The following DLC1 variants were observed in gnomAD, a reference collection of about 807,000 sequenced individuals.
DLC1 encodes rho GTPase-activating protein 7.
A neutral mutation model predicts 140.3 loss-of-function variants in DLC1; 54 were observed. That is an observed-to-expected ratio of 0.38 (90% CI 0.31 to 0.48). DLC1 has a LOEUF of 0.48. Among genes scored for constraint, DLC1 ranks in the 20% least tolerant of loss-of-function variants. The probability of loss-of-function intolerance (pLI) is 0.96; values close to 1 mark genes in which losing one functional copy is unlikely to be tolerated. For synonymous variants in DLC1, 986 were observed against 728.1 expected (o/e 1.35, Z -5.70); for missense variants, 2,536 against 1,907.0 (o/e 1.33, Z -6.14).
intron 5 of DLC1, among the ~76,000 whole-genome samples, chr8:13,264,043 T>G (rs1207340697): frequency 6.6e-6 from 1 of 151,484 alleles, no homozygotes. Flanking sequence ...GCAATAAGAA[T>G]AAGAAGCTTT....
intron 4 of DLC1, among the ~76,000 whole-genome samples, chr8:13,392,178 A>G (rs1836792029): frequency 6.6e-6 from 1 of 152,100 alleles, no homozygotes; most frequent in Admixed American, 6.6e-5. Flanking sequence ...TCCTATTCCC[A>G]ATATATGCAG....
chr8:13,381,041 G>T (rs1836229551), intron 4 of DLC1, among the ~76,000 whole-genome samples: 1 of 152,200 alleles, frequency 6.6e-6, no homozygotes, highest in Non-Finnish European at 1.5e-5. Context: ...TATAGACATG[G>T]AGGGCTTGAC....
intron 5 of DLC1, among the ~76,000 whole-genome samples, chr8:13,175,181 T>A (rs1164496744): frequency 6.6e-6 from 1 of 152,152 alleles, no homozygotes; most frequent in African/African-American, 2.4e-5. Flanking sequence ...GGTATGCAGT[T>A]TTATTTCTGG....
intron 5 of DLC1, among the ~76,000 whole-genome samples, chr8:13,134,472 T>C (rs894461797): frequency 1.2e-4 from 19 of 152,124 alleles, no homozygotes; most frequent in Non-Finnish European, 2.8e-4. Flanking sequence ...ATATAGAGTA[T>C]GTCTGATGGA....
At chr8:13,451,469 T>A (rs1300660937) in intron 2 of DLC1, among the ~76,000 whole-genome samples, 1 of 152,176 alleles carries the variant, frequency 6.6e-6, no homozygotes, top group African/African-American at 2.4e-5. Flanking sequence ...GTCTTATTCA[T>A]TCTATTTTTT....
rs753530293 is a variant in DLC1 at position 13,099,758 on chromosome 8, G to C, written c.2579C>G (p.Pro860Arg). ...SLRRENSSDS[P>R]KELKRRNSSS... ...AGAATTGCGTCTCTTCAGTTCCTTGGGGCTGTCGCTACTGTTTTCCCTCCT... is the reference window on the plus strand; with the variant it reads ...AGAATTGCGTCTCTTCAGTTCCTTGCGGCTGTCGCTACTGTTTTCCCTCCT... Residue 860 changes from proline to arginine, a missense_variant, in exon 9 of 18, where the codon CCC (proline) becomes CGC (arginine). By Grantham distance (103) the Pro-to-Arg change is moderately radical. Coordinates refer to ENST00000276297, the MANE Select transcript of DLC1 (RefSeq NM_182643.3). The C allele has an allele frequency of 6.2e-7, 1 of 1,614,122 alleles. No homozygotes were observed. Among genetic ancestry groups the C allele is most frequent in the Non-Finnish European group, 8.5e-7 (1 of 1,180,038 alleles).
chr8:13,361,513 G>A (rs985609044), intron 4 of DLC1, among the ~76,000 whole-genome samples: 4 of 151,818 alleles, frequency 2.6e-5, no homozygotes, highest in Non-Finnish European at 5.9e-5. Flanking sequence ...CTATCCTCCC[G>A]CTTCAGCCTT....
chr8:13,365,634 G>T (rs1166948120), intron 4 of DLC1, among the ~76,000 whole-genome samples: 4 of 152,128 alleles, frequency 2.6e-5, no homozygotes, highest in African/African-American at 9.7e-5. Context: ...ACCACTGAGC[G>T]AGCCGTGGTG....
intron 5 of DLC1, among the ~76,000 whole-genome samples, chr8:13,217,610 G>A (rs1458422981): frequency 1.1e-4 from 16 of 152,100 alleles, no homozygotes; most frequent in South Asian, 6.2e-4. Flanking sequence ...TGAGGAGGGC[G>A]GATTATGAGG....
At chr8:13,336,967 G>C (rs1273306966) in intron 4 of DLC1, among the ~76,000 whole-genome samples, 2 of 142,866 alleles carry the variant, frequency 1.4e-5, no homozygotes, top group African/African-American at 2.5e-5. Flanking sequence ...AGCTAAAGCA[G>C]ATGAAATGAA....
intron 1 of DLC1, among the ~76,000 whole-genome samples, chr8:13,603,477 G>A (rs1250524216): frequency 1.3e-5 from 2 of 151,716 alleles, no homozygotes; most frequent in Non-Finnish European, 2.9e-5. Context: ...ATTAAAATTA[G>A]GGTATTGTAA....
chr8:13,345,199 A>G (rs181388079), intron 4 of DLC1, among the ~76,000 whole-genome samples: 2 of 152,254 alleles, frequency 1.3e-5, no homozygotes, highest in African/African-American at 2.4e-5. Flanking sequence ...TATATGAGGA[A>G]TATAGAGGAA....
chr8:13,270,215 T>G (rs1830874564), intron 5 of DLC1, among the ~76,000 whole-genome samples: 3 of 152,206 alleles, frequency 2.0e-5, no homozygotes, highest in Non-Finnish European at 4.4e-5. Context: ...GTGTGACAAA[T>G]TAATATGACC....
chr8:13,300,779 T>C (rs1011012873), intron 5 of DLC1, among the ~76,000 whole-genome samples: 5 of 152,172 alleles, frequency 3.3e-5, no homozygotes, highest in Non-Finnish European at 5.9e-5. Context: ...CTGTGGCTAA[T>C]AGAGAGTCAG....
intron 5 of DLC1, among the ~76,000 whole-genome samples, chr8:13,219,035 TGAATA>T (rs1828386485): frequency 2.6e-5 from 1 of 37,962 alleles, no homozygotes; most frequent in African/African-American, 1.5e-4. Flanking sequence ...TATAATTATG[TGAATA>T]TAATTATATA....
Position 13,382,136 on chromosome 8 carries a change from A to G in DLC1, c.1314+11417T>C, listed in dbSNP as rs1836290565. Among the ~76,000 whole-genome samples, 4 of 152,154 alleles carry G rather than the reference A, an allele frequency of 2.6e-5. No individual in the cohort carries two copies. In the South Asian group the frequency reaches 8.3e-4, roughly 32 times the overall value. The stretch of plus-strand genomic sequence containing the variant: ...AATGTAGAAAGTAAAAAATGTACCT[A>G]AAGAATATAATGATCTAGATAAGGA... On this transcript the variant is annotated intron_variant, in intron 4 of 17. Transcript: ENST00000276297.
intron 1 of DLC1, among the ~76,000 whole-genome samples, chr8:13,582,582 G>T (rs1348434476): frequency 2.6e-5 from 4 of 152,006 alleles, no homozygotes; most frequent in Admixed American, 2.0e-4. Flanking sequence ...CAGACTCAAA[G>T]TTCATCAATT....
chr8:13,361,667 A>G (rs1163072754), intron 4 of DLC1, among the ~76,000 whole-genome samples: 3 of 152,172 alleles, frequency 2.0e-5, no homozygotes, highest in Non-Finnish European at 4.4e-5. Flanking sequence ...ATTATTTCCT[A>G]TATTTCAAAG....
At chr8:13,261,331 C>A (rs138495470) in intron 5 of DLC1, among the ~76,000 whole-genome samples, 369 of 151,926 alleles carry the variant, frequency 2.4e-3, no homozygotes, top group African/African-American at 8.0e-3. Context: ...TCATGAACAG[C>A]AAAGAGGCCA....
Sources: gnomAD v4.1 joint callset for allele counts (sites outside exome capture counted in the v4.1 genomes callset) on GRCh38, gnomAD v4.1.1 for gene constraint, MANE v1.5 for transcripts, NCBI Gene and HGNC (gene_info 2026-07-23, HGNC 2026-07-21) for gene names.